RNLS: variants seen among roughly 807,000 people sequenced by gnomAD.
RNLS encodes renalase, FAD dependent amine oxidase.
A neutral mutation model predicts 39.8 loss-of-function variants in RNLS; 39 were observed. The ratio of observed to expected loss-of-function variants is 0.98; its 90% CI spans 0.76 to 1.28. The LOEUF (loss-of-function observed/expected upper bound fraction) is 1.28. Among genes scored for constraint, RNLS ranks in the 50% most tolerant of loss-of-function variants. RNLS has a pLI of 0.00. For synonymous variants in RNLS, 147 were observed against 150.7 expected (o/e 0.98, Z 0.18); for missense variants, 410 against 413.3 (o/e 0.99, Z 0.07).
chr10:88,289,827 C>G (rs1049293080), intron 6 of RNLS, among the ~76,000 whole-genome samples: 1 of 152,120 alleles, frequency 6.6e-6, no homozygotes, highest in Non-Finnish European at 1.5e-5. Flanking sequence ...AATGGAGGAA[C>G]TATTGTATTT....
At chr10:88,266,608 A>C in the RNLS span, among the ~76,000 whole-genome samples, 1 of 151,966 alleles carries the variant, frequency 6.6e-6, no homozygotes, top group South Asian at 2.1e-4. Flanking sequence ...GGTCTTGCAA[A>C]CAGAAATATT....
intron 4 of RNLS, among the ~76,000 whole-genome samples, chr10:88,501,868 A>G (rs1000302827): frequency 6.6e-6 from 1 of 152,172 alleles, no homozygotes; most frequent in Non-Finnish European, 1.5e-5. Context: ...CAGACAAGAA[A>G]TTTGTTCCAT....
downstream of RNLS, among the ~76,000 whole-genome samples, chr10:88,283,639 A>G (rs1212399854): frequency 6.6e-6 from 1 of 152,184 alleles, no homozygotes; most frequent in Non-Finnish European, 1.5e-5. Context: ...ATAAAAAAGA[A>G]TGAGATCATG....
intron 4 of RNLS, among the ~76,000 whole-genome samples, chr10:88,509,362 A>T (rs1287739084): frequency 6.6e-6 from 1 of 151,974 alleles, no homozygotes; most frequent in Non-Finnish European, 1.5e-5. Flanking sequence ...CATTCACAAT[A>T]CGTAGCATAG....
Position 88,350,801 on chromosome 10 carries a change from C to T in RNLS, c.700+11751G>A, listed in dbSNP as rs141366322. The stretch of plus-strand genomic sequence containing the variant: ...TTCTAGTTCTAGATCCCTGAGGAAT[C>T]GCCGCACTGTATTCCACAAGGGTTG... On this transcript the variant is annotated intron_variant, in intron 5 of 6. Coordinates refer to ENST00000331772, the MANE Select transcript of RNLS (RefSeq NM_001031709.3). 3.3e-4 allele frequency among the ~76,000 whole-genome samples: 50 copies of T among 152,272 alleles called. 1 individual carries two copies. Among genetic ancestry groups the T allele is most frequent in the South Asian group, 8.3e-4 (4 of 4,826 alleles).
the RNLS span, among the ~76,000 whole-genome samples, chr10:88,184,339 C>T: frequency 1.3e-5 from 2 of 152,058 alleles, no homozygotes; most frequent in South Asian, 2.1e-4. Flanking sequence ...AGTTCATTTG[C>T]GTTAAACAGT....
chr10:88,469,757 A>C (rs1217240073), intron 4 of RNLS, among the ~76,000 whole-genome samples: 3 of 152,000 alleles, frequency 2.0e-5, no homozygotes, highest in South Asian at 4.2e-4. Flanking sequence ...CTTAGAAGAC[A>C]AAAAATATAT....
chr10:88,351,591 C>T (rs1848712189), intron 5 of RNLS, among the ~76,000 whole-genome samples: 1 of 152,092 alleles, frequency 6.6e-6, no homozygotes, highest in African/African-American at 2.4e-5. Flanking sequence ...TGGTCTATAT[C>T]GCTGTTTTGG....
intron 4 of RNLS, among the ~76,000 whole-genome samples, chr10:88,470,312 C>CGTGT (rs1843444459): frequency 2.0e-5 from 3 of 152,084 alleles, no homozygotes; most frequent in Non-Finnish European, 1.5e-5. Context: ...CACATGAACA[C>CGTGT]ATATGTCCAT....
At chr10:88,335,215 T>C (rs572936604) in intron 5 of RNLS, among the ~76,000 whole-genome samples, 2 of 151,470 alleles carry the variant, frequency 1.3e-5, no homozygotes, top group African/African-American at 4.8e-5. Flanking sequence ...TCTTTTCTTT[T>C]ACTTTTTTTT....
chr10:88,406,249 C>T (rs757645769), intron 4 of RNLS, among the ~76,000 whole-genome samples: 13 of 152,002 alleles, frequency 8.6e-5, no homozygotes, highest in Non-Finnish European at 1.9e-4. Context: ...CTTTGTGCTT[C>T]TTGTATTTGG....
intron 4 of RNLS, among the ~76,000 whole-genome samples, chr10:88,493,417 A>G (rs999380950): frequency 1.3e-5 from 2 of 152,124 alleles, no homozygotes; most frequent in Admixed American, 1.3e-4. Flanking sequence ...AGAGGGAAGC[A>G]TGTAAGTTGT....
chr10:88,253,032 T>C, the RNLS span, among the ~76,000 whole-genome samples: 5 of 152,208 alleles, frequency 3.3e-5, no homozygotes, highest in Admixed American at 6.5e-5. Flanking sequence ...TCAAAGCCCT[T>C]AGGCTGAAGT....
At chr10:88,425,633 C>T (rs1854701749) in intron 4 of RNLS, among the ~76,000 whole-genome samples, 2 of 152,024 alleles carry the variant, frequency 1.3e-5, no homozygotes. Flanking sequence ...ATGATCATTG[C>T]TCTCAAGGAA....
the RNLS span, among the ~76,000 whole-genome samples, chr10:88,254,481 C>G: frequency 6.6e-6 from 1 of 152,114 alleles, no homozygotes; most frequent in South Asian, 2.1e-4. Flanking sequence ...AGAGAAGAAG[C>G]TGAGAGAGGA....
intron 4 of RNLS, among the ~76,000 whole-genome samples, chr10:88,429,589 T>A (rs1855017099): frequency 6.6e-6 from 1 of 151,896 alleles, no homozygotes; most frequent in Non-Finnish European, 1.5e-5. Context: ...AATCTTCACC[T>A]AATCCCAAGC....
At chr10:88,566,836 G>A (rs900400285) in intron 4 of RNLS, among the ~76,000 whole-genome samples, 9 of 152,072 alleles carry the variant, frequency 5.9e-5, no homozygotes, top group East Asian at 5.8e-4. Flanking sequence ...CTAAATAAGA[G>A]AAGAGCTGAA....
chr10:88,208,831 C>T, the RNLS span, among the ~76,000 whole-genome samples: 2 of 152,160 alleles, frequency 1.3e-5, no homozygotes, highest in African/African-American at 2.4e-5. Flanking sequence ...TAGAGGAATG[C>T]TTCACTTTCA....
chr10:88,426,835 T>A (rs557847942), intron 4 of RNLS, among the ~76,000 whole-genome samples: 1 of 151,906 alleles, frequency 6.6e-6, no homozygotes, highest in East Asian at 1.9e-4. Context: ...TCCTAGGGGG[T>A]AACAGTAGTA....
Sources: allele counts gnomAD v4.1 joint callset (sites outside exome capture counted in the v4.1 genomes callset), GRCh38; gene constraint gnomAD v4.1.1; transcripts MANE v1.5; gene names NCBI Gene and HGNC (gene_info 2026-07-23, HGNC 2026-07-21).